The following SPIDR variants were observed in gnomAD, a reference collection of about 807,000 sequenced individuals.
SPIDR encodes the protein scaffold protein involved in DNA repair.
In SPIDR, 93 loss-of-function variants were observed where a neutral mutation model predicts 104.6. That is an observed-to-expected ratio of 0.89 (90% CI 0.75 to 1.06). SPIDR has a LOEUF of 1.06. Among genes scored for constraint, SPIDR ranks in the 50% least tolerant of loss-of-function variants. The pLI is 0.00. For synonymous variants in SPIDR, 431 were observed against 416.9 expected (o/e 1.03, Z -0.41); for missense variants, 1,154 against 1,111.2 (o/e 1.04, Z -0.55).
chr8:47,421,238 C>T (rs1034976202), intron 7 of SPIDR, among the ~76,000 whole-genome samples: 35 of 152,222 alleles, frequency 2.3e-4, no homozygotes, highest in Non-Finnish European at 4.0e-4. Flanking sequence ...CTGTCACTTT[C>T]GGGTACACCA....
intron 10 of SPIDR, among the ~76,000 whole-genome samples, chr8:47,634,050 G>A (rs1481792745): frequency 6.6e-6 from 1 of 151,188 alleles, no homozygotes; most frequent in Non-Finnish European, 1.5e-5. Flanking sequence ...AGCCAAGATC[G>A]TGCCACTGCA....
intron 5 of SPIDR, among the ~76,000 whole-genome samples, chr8:47,379,435 C>T (rs558474185): frequency 2.0e-5 from 3 of 152,024 alleles, no homozygotes; most frequent in South Asian, 2.1e-4. Flanking sequence ...TCCAGCTACT[C>T]GGGAGGCTGT....
chr8:47,338,899 C>T (rs906635162), intron 5 of SPIDR, among the ~76,000 whole-genome samples: 24 of 152,150 alleles, frequency 1.6e-4, no homozygotes, highest in African/African-American at 5.8e-4. Flanking sequence ...TGACGTCTTT[C>T]AGCCTAAATG....
At chr8:47,733,909 C>T (rs1447794950) in intron 19 of SPIDR, among the ~76,000 whole-genome samples, 1 of 152,098 alleles carries the variant, frequency 6.6e-6, no homozygotes, top group Non-Finnish European at 1.5e-5. Flanking sequence ...TCTTTTTCAC[C>T]AAGGAAGCCA....
rs369488678 is a variant in SPIDR at position 47,713,481 on chromosome 8, G to A, written c.2189-8G>A. The A allele has an allele frequency of 5.6e-6, 9 of 1,614,116 alleles. No individual in the cohort carries two copies. Among genetic ancestry groups the A allele is most frequent in the Non-Finnish European group, 4.2e-6 (5 of 1,179,994 alleles). ...GGCTTCAATAACCTGAAGTGTCTCT[G>A]TCGGCAGGTCGGATTGTTTGTGCTG... On this transcript the variant is annotated splice_polypyrimidine_tract_variant and splice_region_variant and intron_variant, in intron 15 of 19. Coordinates refer to ENST00000297423, the MANE Select transcript of SPIDR (RefSeq NM_001080394.4).
chr8:47,262,436 C>T (rs949936613), intron 1 of SPIDR, among the ~76,000 whole-genome samples: 1 of 152,114 alleles, frequency 6.6e-6, no homozygotes, highest in Non-Finnish European at 1.5e-5. Context: ...TTCTGAGACT[C>T]AGGAATCTGA....
chr8:47,658,624 G>A (rs952097433), intron 10 of SPIDR, among the ~76,000 whole-genome samples: 4 of 151,624 alleles, frequency 2.6e-5, no homozygotes, highest in Admixed American at 2.0e-4. Context: ...CAATAAAGAT[G>A]GTGTGTGAGT....
chr8:47,470,945 A>G lies in SPIDR; in HGVS notation c.1097+30403A>G, dbSNP rs549061331. 3.6e-3 allele frequency among the ~76,000 whole-genome samples: 550 copies of G among 152,240 alleles called. 5 individuals are homozygous for G. Among genetic ancestry groups the G allele is most frequent in the African/African-American group, 0.012 (507 of 41,542 alleles). On this transcript the variant is annotated intron_variant, in intron 8 of 19. Coordinates refer to ENST00000297423, the MANE Select transcript of SPIDR (RefSeq NM_001080394.4). ...GAGACGGGGTTTCACCGTGTTAGCC[A>G]GGATGGTCTCGATCTCCTGACCTTG...
chr8:47,526,688 G>T (rs1455755409), intron 8 of SPIDR, among the ~76,000 whole-genome samples: 2 of 152,212 alleles, frequency 1.3e-5, no homozygotes, highest in Non-Finnish European at 2.9e-5. Context: ...TAACAAGACA[G>T]TGTTTAAATA....
At chr8:47,548,175 A>T (rs1269220669) in intron 8 of SPIDR, among the ~76,000 whole-genome samples, 1 of 152,200 alleles carries the variant, frequency 6.6e-6, no homozygotes, top group African/African-American at 2.4e-5. Flanking sequence ...AGATAAGAAA[A>T]AGTAGCTTTT....
intron 1 of SPIDR, among the ~76,000 whole-genome samples, chr8:47,278,711 G>A (rs374309978): frequency 9.3e-4 from 142 of 152,058 alleles, no homozygotes; most frequent in South Asian, 5.4e-3. Context: ...GGGGTCAAGC[G>A]ATTGTCCTGC....
At chr8:47,541,380 A>G (rs570445666) in intron 8 of SPIDR, among the ~76,000 whole-genome samples, 1 of 152,310 alleles carries the variant, frequency 6.6e-6, no homozygotes, top group East Asian at 1.9e-4. Context: ...TTTCACCACA[A>G]TAGTGTATAT....
chr8:47,332,941 G>T (rs868973294), intron 5 of SPIDR, among the ~76,000 whole-genome samples: 27 of 146,688 alleles, frequency 1.8e-4, no homozygotes, highest in Non-Finnish European at 1.3e-4. Flanking sequence ...TTTCTCCCAT[G>T]TTGTAGGTTG....
rs1268694290 is a variant in SPIDR, at chr8:47,549,533, T to G, written c.1098-46278T>G. On this transcript the variant is annotated intron_variant, in intron 8 of 19. Coordinates refer to ENST00000297423, the MANE Select transcript of SPIDR (RefSeq NM_001080394.4). ...CTCTGATGGCCAGTGATGATGAGCA[T>G]GTTTTCATATGTCTGTTGGCTGCAT... Among the ~76,000 whole-genome samples the G allele has an allele frequency of 3.3e-5, 5 of 152,230 alleles. No individual in the cohort carries two copies. The East Asian group carries it at 7.7e-4, about 23-fold the overall frequency.
intron 8 of SPIDR, among the ~76,000 whole-genome samples, chr8:47,537,229 T>C (rs892560219): frequency 6.6e-6 from 1 of 152,222 alleles, no homozygotes; most frequent in African/African-American, 2.4e-5. Context: ...TCCAAATAAT[T>C]GTTGAAAGCA....
intron 16 of SPIDR, among the ~76,000 whole-genome samples, chr8:47,724,121 TC>T (rs2083851831): frequency 6.6e-6 from 1 of 152,216 alleles, no homozygotes; most frequent in African/African-American, 2.4e-5. Context: ...CATGTAGCAT[TC>T]CCTGTGGGCC....
chr8:47,533,902 T>C (rs4873446), intron 8 of SPIDR, among the ~76,000 whole-genome samples: 105,847 of 152,110 alleles, frequency 0.7, 37,159 homozygotes, highest in East Asian at 0.81. Flanking sequence ...TTCAACCCAG[T>C]GATCCCATTA....
chr8:47,581,743 A>G (rs542473437), intron 8 of SPIDR, among the ~76,000 whole-genome samples: 1 of 152,308 alleles, frequency 6.6e-6, no homozygotes, highest in South Asian at 2.1e-4. Flanking sequence ...AACCATTAAA[A>G]GAGGGAAGGA....
chr8:47,636,635 A>T (rs1380866743), intron 10 of SPIDR, among the ~76,000 whole-genome samples: 2 of 152,114 alleles, frequency 1.3e-5, no homozygotes, highest in Non-Finnish European at 2.9e-5. Context: ...AGCCTGGGCA[A>T]CATAGTGAGC....
Sources: gnomAD v4.1 joint callset for allele counts (sites outside exome capture counted in the v4.1 genomes callset) on GRCh38, gnomAD v4.1.1 for gene constraint, MANE v1.5 for transcripts, NCBI Gene and HGNC (gene_info 2026-07-23, HGNC 2026-07-21) for gene names.